The following MARK1 variants were observed in gnomAD, a reference collection of about 807,000 sequenced individuals.
MARK1 encodes serine/threonine-protein kinase MARK1.
In MARK1, 40 loss-of-function variants were observed where a neutral mutation model predicts 96.3. That is an observed-to-expected ratio of 0.42 (90% confidence interval 0.32 to 0.54). The LOEUF is 0.54. Among genes scored for constraint, MARK1 ranks in the 20% least tolerant of loss-of-function variants. The pLI is 0.16. For missense variants in MARK1, 719 were observed against 984.6 expected, an observed-to-expected ratio of 0.73 and a Z score of 3.61; for synonymous variants, 317 against 341.2, an observed-to-expected ratio of 0.93 and a Z score of 0.78.
chr1:220,587,326 TC>T (rs1410541106), intron 3 of MARK1, among the ~76,000 whole-genome samples: 4 of 60,132 alleles, frequency 6.7e-5, no homozygotes, highest in African/African-American at 1.9e-4. Context: ...TCTCTCTCTT[TC>T]TTTCTCTCTC....
chr1:220,590,183 G>A (rs1466809916), intron 3 of MARK1, among the ~76,000 whole-genome samples: 2 of 152,226 alleles, frequency 1.3e-5, no homozygotes, highest in African/African-American at 2.4e-5. Flanking sequence ...TTAGGCAGGG[G>A]TTTAGGGGAG....
chr1:220,531,351 A>G (rs780629243), intron 1 of MARK1, among the ~76,000 whole-genome samples: 1 of 152,218 alleles, frequency 6.6e-6, no homozygotes, highest in Non-Finnish European at 1.5e-5. Context: ...TATGACTATT[A>G]AAGGGTTCTA....
intron 9 of MARK1, among the ~76,000 whole-genome samples, chr1:220,620,209 A>G (rs73105459): frequency 6.6e-6 from 1 of 152,026 alleles, no homozygotes; most frequent in East Asian, 1.9e-4. Flanking sequence ...TTCCCTCCTT[A>G]TGGGGTTAAA....
chr1:220,572,834 G>A (rs550611658), intron 1 of MARK1, among the ~76,000 whole-genome samples: 33 of 152,180 alleles, frequency 2.2e-4, no homozygotes, highest in African/African-American at 7.7e-4. Context: ...TATAGTGTAT[G>A]TCTGTTGGCA....
At chr1:220,575,121 G>T (rs924583813) in intron 1 of MARK1, among the ~76,000 whole-genome samples, 6 of 152,132 alleles carry the variant, frequency 3.9e-5, no homozygotes, top group African/African-American at 1.4e-4. Flanking sequence ...TTTGAGTCTG[G>T]TGCTCCATGG....
intron 3 of MARK1, among the ~76,000 whole-genome samples, chr1:220,597,788 C>T (rs1045147035): frequency 3.3e-5 from 5 of 152,090 alleles, no homozygotes; most frequent in African/African-American, 4.8e-5. Flanking sequence ...TGTTTCAAGT[C>T]GCTTCTTGTC....
intron 9 of MARK1, chr1:220,627,182 G>A (rs1238515408): frequency 2.1e-6 from 1 of 476,484 alleles, no homozygotes; most frequent in African/African-American, 2.0e-5. Context: ...GAGGAGAGTG[G>A]CGATGAGAGC....
rs1190028818 is a variant in MARK1 at position 220,612,818 on chromosome 1, T to G, written c.496-3121T>G. Among the ~76,000 whole-genome samples, 4 of 152,330 alleles carry G rather than the reference T, an allele frequency of 2.6e-5. No individual in the cohort carries two copies. In the South Asian group the frequency reaches 6.2e-4, roughly 24 times the overall value. On this transcript the variant is annotated intron_variant, in intron 6 of 17. Transcript: ENST00000366917. ...ACAATAATAAATGTATATACATCCTTGACCTTACTCTTAGAAATACCAAAG... is the reference window on the plus strand; with the variant it reads ...ACAATAATAAATGTATATACATCCTGGACCTTACTCTTAGAAATACCAAAG...
intron 15 of MARK1, among the ~76,000 whole-genome samples, chr1:220,652,469 A>G (rs1282342344): frequency 1.3e-5 from 2 of 152,236 alleles, no homozygotes; most frequent in East Asian, 3.8e-4. Flanking sequence ...ATACGAACAA[A>G]CACTAGACTG....
At chr1:220,655,062 T>TA (rs1669091219) in intron 16 of MARK1, among the ~76,000 whole-genome samples, 1 of 152,204 alleles carries the variant, frequency 6.6e-6, no homozygotes, top group Non-Finnish European at 1.5e-5. Context: ...TGTGAGCAAC[T>TA]TACTATCTTG....
chr1:220,569,439 C>A (rs575049274), intron 1 of MARK1, among the ~76,000 whole-genome samples: 49 of 152,068 alleles, frequency 3.2e-4, no homozygotes, highest in African/African-American at 1.2e-3. Context: ...ACCTAGAGAG[C>A]CATTTCCCAT....
chr1:220,612,942 T>A (rs1272559387), intron 6 of MARK1, among the ~76,000 whole-genome samples: 1 of 152,144 alleles, frequency 6.6e-6, no homozygotes, highest in Non-Finnish European at 1.5e-5. Context: ...GTCGTAATAT[T>A]GATTCAATTC....
At chr1:220,630,548 A>G (rs1224521005) in intron 9 of MARK1, among the ~76,000 whole-genome samples, 1 of 151,966 alleles carries the variant, frequency 6.6e-6, no homozygotes, top group African/African-American at 2.4e-5. Context: ...TTCCCTTCCC[A>G]CATTATCTTA....
chr1:220,590,858 G>C (rs1279413106), intron 3 of MARK1, among the ~76,000 whole-genome samples: 1 of 152,138 alleles, frequency 6.6e-6, no homozygotes, highest in Non-Finnish European at 1.5e-5. Flanking sequence ...GCTGCTGAAG[G>C]AGAGGAAACT....
At chr1:220,593,725 G>A (rs569816257) in intron 3 of MARK1, among the ~76,000 whole-genome samples, 4 of 152,194 alleles carry the variant, frequency 2.6e-5, no homozygotes, top group South Asian at 4.2e-4. Flanking sequence ...AGGCTCAGGT[G>A]GAGTCAGAAG....
chr1:220,564,520 C>A (rs1462485253), intron 1 of MARK1, among the ~76,000 whole-genome samples: 1 of 151,710 alleles, frequency 6.6e-6, no homozygotes, highest in Admixed American at 6.6e-5. Flanking sequence ...ATTGTTTTCT[C>A]TATATATTAT....
intron 1 of MARK1, among the ~76,000 whole-genome samples, chr1:220,559,626 C>T (rs540309314): frequency 1.3e-5 from 2 of 152,128 alleles, no homozygotes; most frequent in African/African-American, 2.4e-5. Flanking sequence ...AGACTAAGTG[C>T]GGGAGCAAAA....
chr1:220,577,418 C>A (rs1168366426), intron 1 of MARK1, among the ~76,000 whole-genome samples: 2 of 152,228 alleles, frequency 1.3e-5, no homozygotes, highest in African/African-American at 4.8e-5. Context: ...TCTCTTGTTT[C>A]TACCCAGGTA....
chr1:220,595,428 G>A (rs530857077), intron 3 of MARK1, among the ~76,000 whole-genome samples: 26 of 152,276 alleles, frequency 1.7e-4, no homozygotes, highest in South Asian at 6.2e-4. Context: ...TCTGAGGAAC[G>A]CTTCTGAGTG....
Sources: allele counts gnomAD v4.1 joint callset (sites outside exome capture counted in the v4.1 genomes callset), GRCh38; gene constraint gnomAD v4.1.1; transcripts MANE v1.5; gene names NCBI Gene and HGNC (gene_info 2026-07-23, HGNC 2026-07-21).